The following FNBP4 variants were observed in gnomAD, a reference collection of about 807,000 sequenced individuals.
FNBP4 encodes formin binding protein 4, also known as formin-binding protein 4.
FNBP4 carries 34 observed loss-of-function variants against 119.3 expected under a neutral mutation model. That is an observed-to-expected ratio of 0.28 (90% CI 0.22 to 0.38). The LOEUF (loss-of-function observed/expected upper bound fraction) is 0.38. Among genes scored for constraint, FNBP4 ranks in the 10% least tolerant of loss-of-function variants. The pLI, the probability that FNBP4 is intolerant of heterozygous loss-of-function variation, is 1.00. For synonymous variants in FNBP4, 462 were observed against 430.6 expected, an observed-to-expected ratio of 1.07 and a Z score of -0.90; for missense variants, 1,112 against 1,228.9, an observed-to-expected ratio of 0.90 and a Z score of 1.42.
intron 6 of FNBP4, among the ~76,000 whole-genome samples, chr11:47,747,848 T>A (rs893072409): frequency 6.6e-6 from 1 of 152,154 alleles, no homozygotes; most frequent in East Asian, 2.0e-4. Context: ...TTCGGGAGGC[T>A]GAGGCAGAAG....
At chr11:47,746,015 C>T in intron 7 of FNBP4, 41 bp downstream of exon 7, 1 of 1,506,444 alleles carries the variant, frequency 6.6e-7, no homozygotes, top group South Asian at 1.3e-5. Context: ...TAGAGTAGTA[C>T]TGAGGAAAAA....
intron 2 of FNBP4, among the ~76,000 whole-genome samples, chr11:47,763,835 A>G (rs1438114411): frequency 1.3e-5 from 2 of 152,212 alleles, no homozygotes; most frequent in East Asian, 3.9e-4. Flanking sequence ...TTTTTGAGAA[A>G]GGTGTTGACC....
chr11:47,764,677 A>ATTTTC (rs2097643050), intron 2 of FNBP4, among the ~76,000 whole-genome samples: 1 of 152,212 alleles, frequency 6.6e-6, no homozygotes, highest in Non-Finnish European at 1.5e-5. Context: ...CTCTTCCAAG[A>ATTTTC]TACACAGAGT....
chr11:47,723,990 A>G, intron 14 of FNBP4, 38 bp downstream of exon 14: 3 of 1,587,862 alleles, frequency 1.9e-6, no homozygotes, highest in Non-Finnish European at 2.6e-6. Context: ...GAAAAGAAAC[A>G]ATACATTGAG....
At chr11:47,750,795 T>C (rs1296335527) in intron 6 of FNBP4, 121 bp downstream of exon 6, 2 of 1,055,584 alleles carry the variant, frequency 1.9e-6, no homozygotes, top group African/African-American at 1.6e-5. Context: ...GTGAAAGTTA[T>C]GAAACTTATC....
rs532188665 is a variant in FNBP4 at position 47,724,528 on chromosome 11, T to C, written c.2259A>G (p.Pro753=). The part of the protein sequence containing the change: ...EDEGSEEPPA[P]GTEEDTPLKP... ...TCAAAGGGGTATCTTCCTCTGTTCCTGGGGCAGGGGGCTCCTCACTTCCCT... is the reference window on the plus strand; with the variant it reads ...TCAAAGGGGTATCTTCCTCTGTTCCCGGGGCAGGGGGCTCCTCACTTCCCT... Residue 753 remains proline, a synonymous_variant, in exon 13 of 17, where the codon CCA becomes CCG. Transcript: ENST00000263773. 1.2e-5 allele frequency: 20 copies of C among 1,614,200 alleles called. No individual in the cohort carries two copies. The South Asian group carries it at 1.8e-4, about 14-fold the overall frequency.
rs1026828679 is a variant in FNBP4 at position 47,716,516 on chromosome 11, A to G, written c.*906T>C. 1.3e-5 allele frequency: 2 copies of G among 152,656 alleles called. No individual in the cohort carries two copies. Among genetic ancestry groups the G allele is most frequent in the Non-Finnish European group, 2.9e-5 (2 of 68,054 alleles). The allele number at this position is 152,656 out of a possible 1,614,324, so 9.5% of individuals were successfully genotyped here. ...GAGTTGACGAGCAAAAGGATAACCC[A>G]TCAGGATTATAAAAAAAGCTTTATT... On this transcript the variant is annotated 3_prime_UTR_variant, in exon 17 of 17. Coordinates refer to ENST00000263773, the MANE Select transcript of FNBP4 (RefSeq NM_015308.5).
At chr11:47,743,074 C>T (rs968757826) in intron 8 of FNBP4, among the ~76,000 whole-genome samples, 1 of 152,004 alleles carries the variant, frequency 6.6e-6, no homozygotes, top group Non-Finnish European at 1.5e-5. Context: ...ATCCTTCTGC[C>T]TCAGTTTCCT....
chr11:47,765,741 A>T (rs2097646399), intron 1 of FNBP4, among the ~76,000 whole-genome samples: 1 of 151,806 alleles, frequency 6.6e-6, no homozygotes, highest in South Asian at 2.1e-4. Flanking sequence ...TGAACCCAGG[A>T]GGCAGAGGTT....
chr11:47,730,870 A>T (rs1003079198), intron 12 of FNBP4, among the ~76,000 whole-genome samples: 5 of 152,236 alleles, frequency 3.3e-5, no homozygotes, highest in African/African-American at 1.2e-4. Flanking sequence ...TTTCATGATC[A>T]ATTATTTTGC....
At chr11:47,719,695 C>A (rs1302562073) in intron 16 of FNBP4, among the ~76,000 whole-genome samples, 1 of 151,564 alleles carries the variant, frequency 6.6e-6, no homozygotes, top group Non-Finnish European at 1.5e-5. Context: ...CAACAATCAA[C>A]TGGACAAAGT....
intron 16 of FNBP4, 48 bp from the exon 17 acceptor site, chr11:47,717,560 A>C: frequency 7.6e-7 from 1 of 1,315,640 alleles, no homozygotes; most frequent in Non-Finnish European, 1.1e-6. Context: ...AAAATTAACA[A>C]AAGTATTCAT....
At chr11:47,754,008 C>A (rs1454999260) in intron 3 of FNBP4, among the ~76,000 whole-genome samples, 2 of 151,550 alleles carry the variant, frequency 1.3e-5, no homozygotes, top group African/African-American at 4.9e-5. Flanking sequence ...AGTTTGAGAC[C>A]AGCCTGGCCA....
At position 47,751,294 on chromosome 11, in the gene FNBP4, G is replaced by A. The variant is rs775888599; in HGVS notation, c.638-4C>T. 1 of 1,613,752 alleles carries A rather than the reference G, an allele frequency of 6.2e-7. No individual in the cohort carries two copies. Among genetic ancestry groups the A allele is most frequent in the East Asian group, 2.2e-5 (1 of 44,878 alleles). On this transcript the variant is annotated splice_region_variant and splice_polypyrimidine_tract_variant and intron_variant, in intron 4 of 16. Coordinates refer to ENST00000263773, the MANE Select transcript of FNBP4 (RefSeq NM_015308.5). ...CAATCGCCCATCTCAATTCCGACTA[G>A]AAGATAAAACAAATTTTAAGCACAA... is the stretch of plus-strand genomic sequence containing the variant.
chr11:47,720,070 G>A lies in FNBP4; in HGVS notation c.2822C>T (p.Thr941Ile). The change falls in exon 16 of 17, where the codon ACC (threonine) becomes ATC (isoleucine). Residue 941 changes from threonine to isoleucine, a missense_variant. By Grantham distance (89) the Thr-to-Ile change is moderately conservative (BLOSUM62 -1). This residue lies in a region of FNBP4 where 826 missense variants were observed against 988.8 expected (regional missense o/e 0.84). Coordinates refer to ENST00000263773, the MANE Select transcript of FNBP4 (RefSeq NM_015308.5). ...GRKDKAKKSK[T>I]KMPSLVKKWQ... ...CTTTTTTACCAAAGATGGCATTTTG[G>A]TCTTACTCTTCTTTGCCTGTAACAA... is the stretch of plus-strand genomic sequence containing the variant. 6.2e-7 allele frequency: 1 copy of A among 1,613,594 alleles called. No individual in the cohort carries two copies. The highest frequency in any genetic ancestry group is 1.3e-5 in the African/African-American group (1 of 75,008).
At position 47,738,706 on chromosome 11, in the gene FNBP4, A is replaced by G. The variant is rs111653913; in HGVS notation, c.1457-1966T>C. Among the ~76,000 whole-genome samples, 11 of 151,508 alleles carry G rather than the reference A, an allele frequency of 7.3e-5. 1 individual carries two copies. Among genetic ancestry groups the G allele is most frequent in the African/African-American group, 2.4e-4 (10 of 41,314 alleles). On this transcript the variant is annotated intron_variant, in intron 8 of 16. Coordinates refer to ENST00000263773, the MANE Select transcript of FNBP4 (RefSeq NM_015308.5). ...AATATTTTAAACTTTTTTTTTTGAG[A>G]TGGAATCTTTGTCGCCCAGGCTGGA...
At position 47,723,106 on chromosome 11, in the gene FNBP4, T is replaced by C. The variant is rs1489872636; in HGVS notation, c.2675A>G (p.Gln892Arg). 19 of 1,613,916 alleles carry C rather than the reference T, an allele frequency of 1.2e-5. No individual in the cohort carries two copies. Among genetic ancestry groups the C allele is most frequent in the Non-Finnish European group, 1.6e-5 (19 of 1,180,018 alleles). Residue 892 changes from glutamine (Q) to arginine (R), a missense_variant, in exon 15 of 17, where the codon CAG (glutamine) becomes CGG (arginine). Physicochemically the swap from Gln to Arg is conservative, Grantham distance 43. Around this residue, in one of 2 missense-constraint regions of FNBP4, gnomAD observed 826 missense variants for 988.8 expected, o/e 0.84. Coordinates refer to ENST00000263773, the MANE Select transcript of FNBP4 (RefSeq NM_015308.5). ...GVTAPSLQPVQARGAVPTATI... is the reference protein window; with the variant it reads ...GVTAPSLQPVRARGAVPTATI... Reference sequence around the variant, plus strand: ...AGCGGTAGGCACAGCACCTCGGGCCTGAACTGGCTGCAATGAGGGAGCAGT... The same window carrying C: ...AGCGGTAGGCACAGCACCTCGGGCCCGAACTGGCTGCAATGAGGGAGCAGT...
At chr11:47,738,452 C>A (rs1267246435) in intron 8 of FNBP4, among the ~76,000 whole-genome samples, 1 of 151,960 alleles carries the variant, frequency 6.6e-6, no homozygotes, top group Non-Finnish European at 1.5e-5. Flanking sequence ...GTAATCCCAG[C>A]TACTCAGGGG....
At chr11:47,722,675 C>T (rs1029416275) in intron 15 of FNBP4, among the ~76,000 whole-genome samples, 1 of 152,158 alleles carries the variant, frequency 6.6e-6, no homozygotes, top group African/African-American at 2.4e-5. Flanking sequence ...ACTGCAACCT[C>T]TGCCTCCTGG....
Sources: allele counts gnomAD v4.1 joint callset (sites outside exome capture counted in the v4.1 genomes callset), GRCh38; gene constraint gnomAD v4.1.1; regional missense constraint gnomAD v4.1.1; transcripts MANE v1.5; gene names NCBI Gene and HGNC (gene_info 2026-07-23, HGNC 2026-07-21).